The following ZNF366 variants were observed in gnomAD, a reference collection of about 807,000 sequenced individuals.
ZNF366 encodes dendritic cell-specific transcript protein.
In ZNF366, 20 loss-of-function variants were observed where a neutral mutation model predicts 47.2. That is an observed-to-expected ratio of 0.42 (90% confidence interval 0.30 to 0.62). The LOEUF (loss-of-function observed/expected upper bound fraction) is 0.62, where lower values mean the gene tolerates loss of function less well. ZNF366 is among the 20% of genes least tolerant of loss of function. The probability of loss-of-function intolerance (pLI) is 0.16; values close to 1 mark genes in which losing one functional copy is unlikely to be tolerated. For synonymous variants in ZNF366, 421 were observed against 395.1 expected (o/e 1.07, Z -0.78); for missense variants, 987 against 976.3 (o/e 1.01, Z -0.15).
Position 72,442,752 on chromosome 5 carries a change from C to T in ZNF366, c.*1004G>A, listed in dbSNP as rs1309667709. On this transcript the variant is annotated 3_prime_UTR_variant, in exon 5 of 5. Transcript: ENST00000318442. ...CTCAGCTCACTGCAATCTCCACTGC[C>T]TGGGTTCAAACGATTCTCCTGCTTC... 2 of 150,962 alleles carry T rather than the reference C, an allele frequency of 1.3e-5. No individual in the cohort carries two copies. Among genetic ancestry groups the T allele is most frequent in the South Asian group, 2.1e-4 (1 of 4,752 alleles). 9.4% of individuals were successfully genotyped at this position (150,962 alleles called of 1,614,324 possible).
At chr5:72,469,256 A>G (rs994146660) in intron 1 of ZNF366, among the ~76,000 whole-genome samples, 4 of 152,198 alleles carry the variant, frequency 2.6e-5, no homozygotes, top group Non-Finnish European at 5.9e-5. Context: ...TGATAGAAAT[A>G]TTTTGTATTT....
intron 1 of ZNF366, among the ~76,000 whole-genome samples, chr5:72,473,368 A>G (rs1013565707): frequency 5.3e-5 from 8 of 152,240 alleles, no homozygotes; most frequent in African/African-American, 1.2e-4. Context: ...AAGAAAATGT[A>G]TTCAGAGTTC....
intron 1 of ZNF366, among the ~76,000 whole-genome samples, chr5:72,475,566 G>T (rs1396915353): frequency 6.6e-6 from 1 of 152,144 alleles, no homozygotes; most frequent in Admixed American, 6.5e-5. Flanking sequence ...CCATTATCTT[G>T]CAGAGGGCCT....
chr5:72,449,386 C>T (rs543846074), intron 3 of ZNF366, among the ~76,000 whole-genome samples: 3 of 152,024 alleles, frequency 2.0e-5, no homozygotes, highest in Non-Finnish European at 4.4e-5. Context: ...GCTGGGACTA[C>T]AGGCGCCTGG....
chr5:72,486,983 G>A (rs1743905156), intron 1 of ZNF366, among the ~76,000 whole-genome samples: 1 of 152,056 alleles, frequency 6.6e-6, no homozygotes, highest in Admixed American at 6.6e-5. Context: ...CACCATGTTG[G>A]CCAGACTGAT....
Position 72,460,478 on chromosome 5 carries a change from C to T in ZNF366, c.1019G>A (p.Arg340His), listed in dbSNP as rs1180776930. 4 of 1,613,842 alleles carry T rather than the reference C, an allele frequency of 2.5e-6. No homozygotes were observed. In the African/African-American group the frequency reaches 4.0e-5, roughly 16 times the overall value. ...GTAGGCAAAGCCGCGGCCGCACACG[C>T]GGCAGTTGTGCGGCTTCACCTCGCT... ...QHSEVKPHNC[R>H]VCGRGFAYPS... The change falls in exon 2 of 5, where the codon CGC becomes CAC. Residue 340 changes from arginine to histidine, a missense_variant. Transcript: ENST00000318442.
At chr5:72,444,430 TC>T in intron 4 of ZNF366, 139 bp from the exon 5 acceptor site, 1 of 1,028,370 alleles carries the variant, frequency 9.7e-7, no homozygotes, top group Non-Finnish European at 1.4e-6. Flanking sequence ...AAGGATGTGG[TC>T]TTGGGAGGCT....
At chr5:72,479,843 G>A (rs552617745) in intron 1 of ZNF366, among the ~76,000 whole-genome samples, 2 of 152,196 alleles carry the variant, frequency 1.3e-5, no homozygotes, top group African/African-American at 4.8e-5. Context: ...ATGACTGGAA[G>A]GTATAAGACT....
chr5:72,464,441 TAGG>T (rs1580240163), intron 1 of ZNF366, among the ~76,000 whole-genome samples: 2 of 152,200 alleles, frequency 1.3e-5, no homozygotes, highest in Admixed American at 6.5e-5. Flanking sequence ...TTTAATACAT[TAGG>T]AGTTGTAATA....
At chr5:72,450,966 G>T (rs916311490) in intron 3 of ZNF366, among the ~76,000 whole-genome samples, 7 of 152,224 alleles carry the variant, frequency 4.6e-5, no homozygotes, top group Non-Finnish European at 5.9e-5. Context: ...TAGGGGATGG[G>T]AGTTAGACGA....
intron 1 of ZNF366, among the ~76,000 whole-genome samples, chr5:72,487,727 G>A (rs914291035): frequency 6.6e-6 from 1 of 152,192 alleles, no homozygotes; most frequent in African/African-American, 2.4e-5. Context: ...CCTAGGTGTG[G>A]TGGAAACCAC....
At position 72,442,539 on chromosome 5, in the gene ZNF366, C is replaced by CA. The variant is rs892051142; in HGVS notation, c.*1216dup. 6.6e-6 allele frequency: 1 copy of CA among 152,058 alleles called. No individual in the cohort carries two copies. The highest frequency in any genetic ancestry group is 2.4e-5 in the African/African-American group (1 of 41,376). The allele number at this position is 152,058 out of a possible 1,614,324, so 9.4% of individuals were successfully genotyped here. A position where few individuals can be genotyped will look rare whatever the true frequency, so the allele number is the denominator to read the frequency against. ...TTTGCTGTCAACTATTCTAGTACCC[C>CA]AAATAAGTCAGAGCTTAGATTTCTG... On this transcript the variant is annotated 3_prime_UTR_variant, in exon 5 of 5. Transcript: ENST00000318442.
intron 1 of ZNF366, among the ~76,000 whole-genome samples, chr5:72,475,261 C>G (rs1743650157): frequency 1.3e-5 from 2 of 152,146 alleles, no homozygotes; most frequent in Admixed American, 6.5e-5. Flanking sequence ...ACAGACTGGT[C>G]CCTGATGTAT....
At chr5:72,491,950 ATGG>A (rs533291233) in intron 1 of ZNF366, among the ~76,000 whole-genome samples, 8 of 152,242 alleles carry the variant, frequency 5.3e-5, no homozygotes, top group African/African-American at 1.4e-4. Flanking sequence ...AACCCCTGGG[ATGG>A]TGGTGGTGGA....
intron 1 of ZNF366, among the ~76,000 whole-genome samples, chr5:72,484,218 C>A (rs1245719037): frequency 6.6e-6 from 1 of 152,100 alleles, no homozygotes; most frequent in Admixed American, 6.5e-5. Flanking sequence ...GGCGCGGTGG[C>A]TCACGCCTGT....
At chr5:72,465,077 GA>G (rs1261967337) in intron 1 of ZNF366, among the ~76,000 whole-genome samples, 3 of 151,960 alleles carry the variant, frequency 2.0e-5, no homozygotes, top group Non-Finnish European at 1.5e-5. Context: ...AAAAGAAAAA[GA>G]AAAAAGTAGG....
At chr5:72,491,620 T>C (rs1744011483) in intron 1 of ZNF366, among the ~76,000 whole-genome samples, 1 of 152,082 alleles carries the variant, frequency 6.6e-6, no homozygotes, top group Admixed American at 6.6e-5. Context: ...TAAGATTTCA[T>C]AAAATAATAA....
chr5:72,468,673 G>A lies in ZNF366; in HGVS notation c.-14-7163C>T, dbSNP rs571863715. 3.3e-5 allele frequency among the ~76,000 whole-genome samples: 5 copies of A among 152,344 alleles called. No individual in the cohort carries two copies. In the East Asian group the frequency reaches 5.8e-4, roughly 18 times the overall value. ...CTAACTTGCATAGGTTAAAATGGAT[G>A]TGGGTTTCATTTAGGAAAGAGAAGT... On this transcript the variant is annotated intron_variant, in intron 1 of 4. Transcript: ENST00000318442.
chr5:72,499,817 T>C (rs1251005315), intron 1 of ZNF366, among the ~76,000 whole-genome samples: 1 of 152,132 alleles, frequency 6.6e-6, no homozygotes, highest in Non-Finnish European at 1.5e-5. Flanking sequence ...GCACTTTCCA[T>C]GGAAGGTGGC....
Sources: gnomAD v4.1 joint callset for allele counts (sites outside exome capture counted in the v4.1 genomes callset) on GRCh38, gnomAD v4.1.1 for gene constraint, MANE v1.5 for transcripts, NCBI Gene and HGNC (gene_info 2026-07-23, HGNC 2026-07-21) for gene names.